FRMPD4: variants seen among roughly 807,000 people sequenced by gnomAD.
The protein encoded by FRMPD4 is FERM and PDZ domain containing 4.
FRMPD4 carries 22 observed loss-of-function variants against 94.1 expected under a neutral mutation model. The ratio of observed to expected loss-of-function variants is 0.23; its 90% CI spans 0.17 to 0.33. The LOEUF (loss-of-function observed/expected upper bound fraction) is 0.33. Among genes scored for constraint, FRMPD4 ranks in the 10% least tolerant of loss-of-function variants. The pLI is 1.00. For missense variants in FRMPD4, 1,111 were observed against 1,339.9 expected, an observed-to-expected ratio of 0.83 and a Z score of 2.67; for synonymous variants, 631 against 548.6, an observed-to-expected ratio of 1.15 and a Z score of -2.10.
At chrX:11,823,647 G>A (rs1015330085) in intron 1 of FRMPD4, among the ~76,000 whole-genome samples, 41 of 111,808 alleles carry the variant, frequency 3.7e-4, no homozygotes, top group African/African-American at 1.3e-3. Context: ...CTCTGCTGTT[G>A]TAGCACGGAG....
At chrX:12,524,600 T>A (rs368318713) in intron 2 of FRMPD4, among the ~76,000 whole-genome samples, 2 of 111,801 alleles carry the variant, frequency 1.8e-5, no homozygotes, top group African/African-American at 6.5e-5. Flanking sequence ...AAATTAAATA[T>A]CATTAGTGTG....
At chrX:12,289,742 G>C (rs188138879) in intron 1 of FRMPD4, among the ~76,000 whole-genome samples, 1 of 111,670 alleles carries the variant, frequency 9.0e-6, no homozygotes, top group African/African-American at 3.3e-5. Context: ...TGATGCGGAA[G>C]AGAAGAAAAC....
intron 1 of FRMPD4, among the ~76,000 whole-genome samples, chrX:12,214,528 T>C (rs905148522): frequency 8.9e-6 from 1 of 112,692 alleles, no homozygotes; most frequent in African/African-American, 3.2e-5. Context: ...GAAACCTAAA[T>C]AAAGAGTGAA....
chrX:12,605,653 T>C (rs1422527290), intron 2 of FRMPD4, among the ~76,000 whole-genome samples: 2 of 111,308 alleles, frequency 1.8e-5, no homozygotes, highest in Non-Finnish European at 3.8e-5. Context: ...CATCCTTATC[T>C]GCGCCACTAG....
At chrX:12,103,534 A>G (rs1207115059) in intron 3 of FRMPD4, among the ~76,000 whole-genome samples, 1 of 111,753 alleles carries the variant, frequency 8.9e-6, no homozygotes, top group Non-Finnish European at 1.9e-5. Flanking sequence ...CCATTGTGAT[A>G]CCAAAACAGC....
At chrX:12,334,733 T>G (rs1433951202) in intron 1 of FRMPD4, among the ~76,000 whole-genome samples, 1 of 111,532 alleles carries the variant, frequency 9.0e-6, no homozygotes, top group Non-Finnish European at 1.9e-5. Flanking sequence ...ATTGTGCACC[T>G]GTTATGTGCC....
intron 3 of FRMPD4, among the ~76,000 whole-genome samples, chrX:11,917,199 C>G (rs1222464337): frequency 8.9e-6 from 1 of 112,357 alleles, no homozygotes; most frequent in Non-Finnish European, 1.9e-5. Context: ...GATAACATCT[C>G]ACATCAGTCA....
At chrX:11,823,902 C>T (rs951734033) in intron 1 of FRMPD4, among the ~76,000 whole-genome samples, 5 of 111,649 alleles carry the variant, frequency 4.5e-5, no homozygotes, top group Non-Finnish European at 9.4e-5. Context: ...TACAAAACTG[C>T]CTTTCTAACA....
chrX:12,028,650 C>T (rs2054674655), intron 3 of FRMPD4, among the ~76,000 whole-genome samples: 1 of 111,158 alleles, frequency 9.0e-6, no homozygotes, highest in African/African-American at 3.3e-5. Flanking sequence ...TCTCTTATTT[C>T]CCCCCAACTC....
intron 2 of FRMPD4, among the ~76,000 whole-genome samples, chrX:12,534,091 G>A (rs1461527334): frequency 1.8e-5 from 2 of 112,852 alleles, no homozygotes; most frequent in African/African-American, 6.4e-5. Flanking sequence ...CTAGTGACTT[G>A]ATGCCCTGCA....
intron 2 of FRMPD4, among the ~76,000 whole-genome samples, chrX:12,516,420 C>T (rs6641027): frequency 0.056 from 6,203 of 111,676 alleles, 142 homozygotes; most frequent in East Asian, 0.12. Context: ...TCAGCATTTG[C>T]TTGTCTGAAA....
chrX:12,117,146 T>C (rs2055416027), intron 3 of FRMPD4, among the ~76,000 whole-genome samples: 1 of 112,024 alleles, frequency 8.9e-6, no homozygotes, highest in Non-Finnish European at 1.9e-5. Context: ...AAGTCAACTA[T>C]GGCACAAACT....
At chrX:12,225,656 G>T (rs189486690) in intron 1 of FRMPD4, among the ~76,000 whole-genome samples, 1 of 111,839 alleles carries the variant, frequency 8.9e-6, no homozygotes, top group Admixed American at 9.5e-5. Context: ...TGGGTTTTGT[G>T]GTTACAGCTC....
intron 1 of FRMPD4, among the ~76,000 whole-genome samples, chrX:12,294,467 T>TAC (rs766103055): frequency 1.3e-4 from 11 of 87,277 alleles, no homozygotes; most frequent in Admixed American, 2.6e-4. Context: ...CTCATAACTG[T>TAC]ACACACACAC....
At chrX:12,717,244 C>G (rs1188431709) in intron 15 of FRMPD4, 111 bp downstream of exon 15, 1 of 501,395 alleles carries the variant, frequency 2.0e-6, no homozygotes, top group Non-Finnish European at 3.2e-6. Flanking sequence ...ACACATGTCC[C>G]ATTTCATAAA....
intron 1 of FRMPD4, among the ~76,000 whole-genome samples, chrX:11,857,166 T>G (rs879222772): frequency 8.9e-6 from 1 of 111,919 alleles, no homozygotes; most frequent in Non-Finnish European, 1.9e-5. Context: ...CTATTCCTAT[T>G]AAACTACCAT....
chrX:12,429,090 G>T (rs2056984315), intron 1 of FRMPD4, among the ~76,000 whole-genome samples: 2 of 111,618 alleles, frequency 1.8e-5, no homozygotes, highest in Admixed American at 1.9e-4. Flanking sequence ...TCTGCTGCCT[G>T]TGTCAGGGGA....
chrX:12,509,669 A>G (rs1294817532), intron 2 of FRMPD4, among the ~76,000 whole-genome samples: 1 of 111,320 alleles, frequency 9.0e-6, no homozygotes, highest in Non-Finnish European at 1.9e-5. Context: ...CCAAAATCTC[A>G]CAAATCACCA....
intron 1 of FRMPD4, among the ~76,000 whole-genome samples, chrX:12,293,958 AT>A (rs776980586): frequency 1.8e-5 from 2 of 112,543 alleles, no homozygotes; most frequent in South Asian, 7.4e-4. Context: ...TTTATTAGGC[AT>A]TCACTGATCT....
Sources: gnomAD v4.1 joint callset for allele counts (sites outside exome capture counted in the v4.1 genomes callset) on GRCh38, gnomAD v4.1.1 for gene constraint, MANE v1.5 for transcripts, NCBI Gene and HGNC (gene_info 2026-07-23, HGNC 2026-07-21) for gene names.